The following UMODL1 variants were observed in gnomAD, a reference collection of about 807,000 sequenced individuals.
UMODL1 encodes the protein uromodulin-like 1.
UMODL1 carries 128 observed loss-of-function variants against 136.3 expected under a neutral mutation model. The ratio of observed to expected loss-of-function variants is 0.94; its 90% confidence interval spans 0.81 to 1.09. The LOEUF (loss-of-function observed/expected upper bound fraction) is 1.09. Among genes scored for constraint, UMODL1 ranks in the 50% least tolerant of loss-of-function variants. UMODL1 has a pLI of 0.00. For missense variants in UMODL1, 1,766 were observed against 1,725.6 expected, an observed-to-expected ratio of 1.02 and a Z score of -0.41; for synonymous variants, 721 against 720.0, an observed-to-expected ratio of 1.00 and a Z score of -0.02.
chr21:42,119,741 A>G (rs935452001), intron 15 of UMODL1, among the ~76,000 whole-genome samples: 11 of 152,260 alleles, frequency 7.2e-5, no homozygotes, highest in African/African-American at 2.4e-4. Context: ...TTCTCCTATC[A>G]TACTTGAACA....
intron 6 of UMODL1, chr21:42,093,920 CG>C (rs1194083545): frequency 2.2e-6 from 1 of 456,734 alleles, no homozygotes; most frequent in Non-Finnish European, 4.4e-6. Context: ...CCACATCCCA[CG>C]GCACCCCACT....
chr21:42,111,435 C>G (rs765168915), intron 11 of UMODL1, 71 bp from the exon 12 acceptor site: 2 of 1,613,660 alleles, frequency 1.2e-6, no homozygotes, highest in Non-Finnish European at 1.7e-6. Flanking sequence ...ACCTCCTCCC[C>G]GAAGGCTACT....
chr21:42,118,852 C>G (rs1237871581), intron 14 of UMODL1, among the ~76,000 whole-genome samples: 1 of 149,804 alleles, frequency 6.7e-6, no homozygotes, highest in East Asian at 2.0e-4. Flanking sequence ...ACCCTCGCCC[C>G]ACAGGCATCT....
rs112574827 is a variant in UMODL1 at position 42,137,286 on chromosome 21, A to G, written c.3776-153A>G. Reference sequence around the variant, plus strand: ...TGTCCTGGGCTTGGACACCTTCCTCAGCTTTGGTAACCCACAGGCACACGG... The same window carrying G: ...TGTCCTGGGCTTGGACACCTTCCTCGGCTTTGGTAACCCACAGGCACACGG... On this transcript the variant is annotated intron_variant, in intron 21 of 22. Coordinates refer to ENST00000408910, the MANE Select transcript of UMODL1 (RefSeq NM_001004416.3). Among the ~76,000 whole-genome samples the G allele has an allele frequency of 1.6e-3, 240 of 152,306 alleles. 1 individual carries two copies. The highest frequency in any genetic ancestry group is 5.3e-3 in the African/African-American group (219 of 41,576).
chr21:42,107,460 G>C (rs754173948), intron 9 of UMODL1, among the ~76,000 whole-genome samples: 1 of 152,222 alleles, frequency 6.6e-6, no homozygotes, highest in Non-Finnish European at 1.5e-5. Context: ...TGCAGAGTGA[G>C]AGAAGGGCCG....
intron 6 of UMODL1, 132 bp from the exon 7 acceptor site, chr21:42,098,794 C>A (rs1435126957): frequency 1.5e-6 from 2 of 1,369,438 alleles, no homozygotes; most frequent in African/African-American, 1.4e-5. Flanking sequence ...ATAGCCAGTG[C>A]TGTTCTGGAT....
At chr21:42,109,784 A>C in intron 10 of UMODL1, 85 bp downstream of exon 10, 1 of 1,477,912 alleles carries the variant, frequency 6.8e-7, no homozygotes, top group Non-Finnish European at 9.2e-7. Flanking sequence ...CTCCATAGGC[A>C]CAGGGCTGAG....
At chr21:42,075,760 C>T (rs1013806493) in intron 1 of UMODL1, among the ~76,000 whole-genome samples, 9 of 152,382 alleles carry the variant, frequency 5.9e-5, no homozygotes, top group East Asian at 1.9e-4. Context: ...TCGGTCACAG[C>T]GGCTTTCTTA....
chr21:42,088,223 G>C, intron 4 of UMODL1, 71 bp from the exon 5 acceptor site: 2 of 1,529,308 alleles, frequency 1.3e-6, no homozygotes, highest in South Asian at 1.2e-5. Context: ...TCAGCTCTGC[G>C]GGCCTCAGTC....
intron 1 of UMODL1, among the ~76,000 whole-genome samples, chr21:42,064,072 T>C (rs1184613882): frequency 1.3e-5 from 2 of 152,170 alleles, no homozygotes; most frequent in Non-Finnish European, 2.9e-5. Context: ...GGGGGGTTTC[T>C]GGCAGTCTGT....
intron 1 of UMODL1, among the ~76,000 whole-genome samples, chr21:42,074,550 G>C (rs929547906): frequency 2.0e-5 from 3 of 152,156 alleles, no homozygotes; most frequent in Admixed American, 6.5e-5. Context: ...GAATGTCATG[G>C]GGCCAGGGGT....
In UMODL1 at chr21:42,085,502, G is replaced by A. The variant is rs769724072; in HGVS notation, c.603+90G>A. 4 of 1,586,878 alleles carry A rather than the reference G, an allele frequency of 2.5e-6. No individual in the cohort carries two copies. The highest frequency in any genetic ancestry group is 2.2e-5 in the East Asian group (1 of 44,462). On this transcript the variant is annotated intron_variant, in intron 4 of 22. Coordinates refer to ENST00000408910, the MANE Select transcript of UMODL1 (RefSeq NM_001004416.3). This position sits in a 1 kb window ranked among gnomAD's most constrained non-coding sequence, Gnocchi z 4.5. ...ATGGGGCCGTGGAAGGGACCTGGGG[G>A]TTGGGGAGGGTGATGTTCCCCAAAT...
At chr21:42,101,106 G>GTAGAGCCCTTTTTTTT (rs2066625616) in intron 7 of UMODL1, among the ~76,000 whole-genome samples, 2 of 150,240 alleles carry the variant, frequency 1.3e-5, no homozygotes, top group South Asian at 2.1e-4. Context: ...CCCTTTTTTT[G>GTAGAGCCCTTTTTTTT]TAGAGCCCTT....
rs2066680201 is a variant in UMODL1, at chr21:42,104,107, C to T, written c.1519+20C>T. ...TGCAAGGTATGGCCCAGCCACCCGC[C>T]CTGCTGCCTGGTGTCCTCCAGCTCA... On this transcript the variant is annotated intron_variant, in intron 9 of 22. Transcript: ENST00000408910. 1.3e-6 allele frequency: 2 copies of T among 1,592,920 alleles called. No homozygotes were observed. Among genetic ancestry groups the T allele is most frequent in the South Asian group, 1.1e-5 (1 of 89,980 alleles).
rs779278902 is a variant in UMODL1, at chr21:42,113,846, T to A, written c.2362+16T>A. 6.2e-7 allele frequency: 1 copy of A among 1,603,006 alleles called. No individual in the cohort carries two copies. Among genetic ancestry groups the A allele is most frequent in the Non-Finnish European group, 8.5e-7 (1 of 1,173,666 alleles). ...GTGAGGACAGGTAATGGGCTTCCAT[T>A]TGTTTTTAAAGAGAGGAACAAAAAG... On this transcript the variant is annotated intron_variant, in intron 13 of 22. Transcript: ENST00000408910.
intron 9 of UMODL1, among the ~76,000 whole-genome samples, chr21:42,104,819 A>G (rs578238088): frequency 6.6e-6 from 1 of 152,330 alleles, no homozygotes; most frequent in Non-Finnish European, 1.5e-5. Flanking sequence ...GCAGGAGGTC[A>G]TGGACACAGG....
intron 10 of UMODL1, 44 bp downstream of exon 10, chr21:42,109,743 C>T (rs777097188): frequency 6.7e-5 from 107 of 1,589,616 alleles, no homozygotes; most frequent in Admixed American, 2.2e-4. Flanking sequence ...ACCCCCTGCC[C>T]GAGAATCTGG....
At position 42,122,409 on chromosome 21, in the gene UMODL1, C is replaced by G. The variant is rs1433352581; in HGVS notation, c.2828-422C>G. ...CATCTTAGAGAATAGACTCAGGGCTCTCAGGGCAGAAGACTCACCCTGTAT... is the reference window on the plus strand; with the variant it reads ...CATCTTAGAGAATAGACTCAGGGCTGTCAGGGCAGAAGACTCACCCTGTAT... On this transcript the variant is annotated intron_variant, in intron 16 of 22. Transcript: ENST00000408910. The surrounding 1 kb of genome is among the most constrained non-coding windows in gnomAD (Gnocchi z 4.3). 6.6e-6 allele frequency among the ~76,000 whole-genome samples: 1 copy of G among 152,174 alleles called. No homozygotes were observed. The highest frequency in any genetic ancestry group is 6.5e-5 in the Admixed American group (1 of 15,290).
chr21:42,088,378 C>G lies in UMODL1; in HGVS notation c.688C>G (p.Leu230Val). 2 of 1,613,914 alleles carry G rather than the reference C, an allele frequency of 1.2e-6. No homozygotes were observed. The highest frequency in any genetic ancestry group is 1.7e-6 in the Non-Finnish European group (2 of 1,180,000). Residue 230 changes from leucine (L) to valine (V), a missense_variant, in exon 5 of 23, where the codon CTG becomes GTG. Leu to Val is a conservative substitution (Grantham distance 32, BLOSUM62 1). Transcript: ENST00000408910. ...GAACGCCTCCACCACAGTGTCGCGG[C>G]TGCTACTGGGCCTGCCACGGCCACT... The part of the protein sequence containing the change: ...PGNASTTVSR[L>V]LLGLPRPLPV...
Sources: gnomAD v4.1 joint callset for allele counts (sites outside exome capture counted in the v4.1 genomes callset) on GRCh38, gnomAD v4.1.1 for gene constraint, Gnocchi (gnomAD v3.1) non-coding constraint, MANE v1.5 for transcripts, NCBI Gene and HGNC (gene_info 2026-07-23, HGNC 2026-07-21) for gene names.